DAB1: variants seen among roughly 807,000 people sequenced by gnomAD.
DAB1 encodes the protein DAB adaptor protein 1.
Under a neutral mutation model 64.6 loss-of-function variants are expected in DAB1, and 15 were observed. The observed-to-expected ratio is 0.23, with a 90% CI of 0.16 to 0.36. The LOEUF is 0.36. Ranked by LOEUF, DAB1 falls within the 10% of genes least tolerant of loss-of-function variation. The pLI, the probability that DAB1 is intolerant of heterozygous loss-of-function variation, is 1.00. For missense variants in DAB1, 596 were observed against 706.7 expected, an observed-to-expected ratio of 0.84 and a Z score of 1.78; for synonymous variants, 235 against 251.9, an observed-to-expected ratio of 0.93 and a Z score of 0.64.
rs188660774 is a variant in DAB1, at chr1:57,694,277, G to A, written n.552-44612C>T. Among the ~76,000 whole-genome samples the A allele has an allele frequency of 6.4e-4, 98 of 152,300 alleles. 2 individuals carry two copies. The highest frequency in any genetic ancestry group is 3.4e-3 in the Middle Eastern group (1 of 294). On this transcript the variant is annotated intron_variant and non_coding_transcript_variant, in intron 6 of 20. Coordinates refer to the DAB1 transcript ENST00000485760. ...TCAATGCTGGATGTAGGCAAGAAAT[G>A]TGGGTTGAAGGCTGAGCTTAGTAAT...
At chr1:58,007,114 C>A (rs183650045) in intron 5 of DAB1, among the ~76,000 whole-genome samples, 48 of 152,250 alleles carry the variant, frequency 3.2e-4, no homozygotes, top group African/African-American at 1.2e-3. Context: ...ACAATTCAAG[C>A]GCTTTCTTTT....
At chr1:57,541,399 G>C (rs1644802227) in intron 7 of DAB1, among the ~76,000 whole-genome samples, 1 of 152,150 alleles carries the variant, frequency 6.6e-6, no homozygotes, top group African/African-American at 2.4e-5. Flanking sequence ...AAAGGGCTGG[G>C]ATTATAGGCG....
chr1:57,258,449 T>C (rs902512534), intron 2 of DAB1, among the ~76,000 whole-genome samples: 1 of 152,116 alleles, frequency 6.6e-6, no homozygotes, highest in African/African-American at 2.4e-5. Context: ...ATGTGTCCTC[T>C]CCCCTGCATT....
intron 3 of DAB1, among the ~76,000 whole-genome samples, chr1:58,348,154 G>A (rs911801899): frequency 6.6e-6 from 1 of 152,084 alleles, no homozygotes; most frequent in African/African-American, 2.4e-5. Context: ...CAACCAACAT[G>A]GGACCTATTT....
chr1:57,803,558 G>A (rs1444450893), intron 6 of DAB1, among the ~76,000 whole-genome samples: 1 of 152,176 alleles, frequency 6.6e-6, no homozygotes, highest in Non-Finnish European at 1.5e-5. Flanking sequence ...GCAATCTGGT[G>A]CCAGATCTAA....
chr1:57,066,431 A>G (rs1167595474), intron 8 of DAB1, among the ~76,000 whole-genome samples: 1 of 152,228 alleles, frequency 6.6e-6, no homozygotes, highest in East Asian at 1.9e-4. Context: ...AACACAGCCG[A>G]TAACTTTTTC....
intron 7 of DAB1, among the ~76,000 whole-genome samples, chr1:57,522,558 C>T (rs972866592): frequency 6.6e-6 from 1 of 152,140 alleles, no homozygotes; most frequent in African/African-American, 2.4e-5. Flanking sequence ...CTGGGGAGGC[C>T]TCACAATCAT....
At chr1:57,019,889 C>T (rs368934049) in intron 11 of DAB1, among the ~76,000 whole-genome samples, 14 of 152,176 alleles carry the variant, frequency 9.2e-5, no homozygotes, top group African/African-American at 3.4e-4. Flanking sequence ...ATGCTGACAC[C>T]TGGGGATGCC....
chr1:58,074,373 A>G (rs1293766012), intron 5 of DAB1: 2 of 151,208 alleles, frequency 1.3e-5, no homozygotes, highest in Non-Finnish European at 2.9e-5. Context: ...TTCTGTATAT[A>G]CATATTTTTC....
chr1:58,454,965 A>G (rs190330432), intron 3 of DAB1, among the ~76,000 whole-genome samples: 70 of 152,284 alleles, frequency 4.6e-4, no homozygotes, highest in African/African-American at 1.6e-3. Flanking sequence ...GGTGACGTGT[A>G]CCATCCGAAA....
At chr1:57,695,165 A>C (rs1442530377) in intron 6 of DAB1, among the ~76,000 whole-genome samples, 1 of 151,570 alleles carries the variant, frequency 6.6e-6, no homozygotes, top group Non-Finnish European at 1.5e-5. Flanking sequence ...TAGAGGCTGC[A>C]TTGAGCTAAG....
At chr1:58,131,491 T>C (rs1480821392) in intron 5 of DAB1, among the ~76,000 whole-genome samples, 1 of 146,748 alleles carries the variant, frequency 6.8e-6, no homozygotes, top group Admixed American at 6.7e-5. Flanking sequence ...CTTTGTTCCA[T>C]TGCTGGTGAG....
At chr1:57,238,856 CACAT>C (rs1465703533) in intron 2 of DAB1, among the ~76,000 whole-genome samples, 19 of 141,594 alleles carry the variant, frequency 1.3e-4, no homozygotes, top group African/African-American at 2.8e-4. Context: ...CACACACACA[CACAT>C]ACACACACAC....
intron 5 of DAB1, among the ~76,000 whole-genome samples, chr1:58,025,645 A>ATG (rs1208743202): frequency 0.1 from 8,059 of 79,030 alleles, 411 homozygotes; most frequent in South Asian, 0.2. Context: ...TTATATATAT[A>ATG]TGTGTGTATA....
At chr1:58,246,963 C>A (rs1318780019) in intron 4 of DAB1, among the ~76,000 whole-genome samples, 1 of 151,848 alleles carries the variant, frequency 6.6e-6, no homozygotes, top group Non-Finnish European at 1.5e-5. Flanking sequence ...GTAAGACGGC[C>A]AGATGGTGAA....
At chr1:58,247,851 G>C (rs573408204) in intron 4 of DAB1, among the ~76,000 whole-genome samples, 1 of 129,924 alleles carries the variant, frequency 7.7e-6, no homozygotes, top group Non-Finnish European at 1.5e-5. Flanking sequence ...CTGTCTGGTT[G>C]TATTTGAAGA....
At chr1:58,467,233 T>C (rs551679775) in intron 3 of DAB1, among the ~76,000 whole-genome samples, 3 of 152,212 alleles carry the variant, frequency 2.0e-5, no homozygotes, top group Non-Finnish European at 4.4e-5. Context: ...AAAGTGGCTG[T>C]CACTGTAACA....
At chr1:57,966,305 T>C (rs1645664452) in intron 5 of DAB1, among the ~76,000 whole-genome samples, 1 of 152,088 alleles carries the variant, frequency 6.6e-6, no homozygotes, top group Admixed American at 6.6e-5. Context: ...GTTTTGGCCA[T>C]TGGAATATCA....
intron 2 of DAB1, among the ~76,000 whole-genome samples, chr1:57,146,595 A>G (rs1659161869): frequency 6.6e-6 from 1 of 152,196 alleles, no homozygotes; most frequent in African/African-American, 2.4e-5. Context: ...AAATAGAAAA[A>G]AACAACAGCA....
Sources: allele counts gnomAD v4.1 joint callset (sites outside exome capture counted in the v4.1 genomes callset), GRCh38; gene constraint gnomAD v4.1.1; transcripts MANE v1.5; gene names NCBI Gene and HGNC (gene_info 2026-07-23, HGNC 2026-07-21).